The following SLC39A10 variants were observed in gnomAD, a reference collection of about 807,000 sequenced individuals.
The protein encoded by SLC39A10 is solute carrier family 39 member 10, also known as zinc transporter ZIP10.
In SLC39A10, 13 loss-of-function variants were observed where a neutral mutation model predicts 65.1. The ratio of observed to expected loss-of-function variants is 0.20; its 90% CI spans 0.13 to 0.32. The LOEUF (loss-of-function observed/expected upper bound fraction) is 0.32. SLC39A10 is among the 10% of genes least tolerant of loss of function. The pLI is 1.00. For missense variants in SLC39A10, 831 were observed against 1,018.4 expected, an observed-to-expected ratio of 0.82 and a Z score of 2.50; for synonymous variants, 321 against 342.2, an observed-to-expected ratio of 0.94 and a Z score of 0.68.
In SLC39A10 at chr2:195,669,931, C is replaced by T. The variant is rs138368842; in HGVS notation, c.-11-10101C>T. On this transcript the variant is annotated intron_variant, in intron 1 of 9. Coordinates refer to ENST00000359634, the MANE Select transcript of SLC39A10 (RefSeq NM_020342.3). ...ATCCCACCACTTTGGGAGGCCAAGG[C>T]GGGTGGATAACAAGTTCAGGAGATC... Among the ~76,000 whole-genome samples, 2,822 of 152,262 alleles carry T rather than the reference C, an allele frequency of 0.019. 218 individuals carry two copies. The East Asian group carries it at 0.25, about 13-fold the overall frequency.
chr2:195,621,659 C>T (rs1688350676), intron 2 of SLC39A10, among the ~76,000 whole-genome samples: 1 of 152,180 alleles, frequency 6.6e-6, no homozygotes, highest in African/African-American at 2.4e-5. Flanking sequence ...GGTCCAGAGC[C>T]AGCACTGTTG....
chr2:195,733,853 T>C (rs945141464), intron 9 of SLC39A10, among the ~76,000 whole-genome samples: 4 of 152,186 alleles, frequency 2.6e-5, no homozygotes, highest in African/African-American at 7.2e-5. Context: ...TTCAAAGCAC[T>C]GTGCCTTCAA....
chr2:195,616,595 G>A (rs567608318), intron 2 of SLC39A10, among the ~76,000 whole-genome samples: 2 of 151,598 alleles, frequency 1.3e-5, no homozygotes, highest in Admixed American at 6.6e-5. Context: ...ATGAGCCACC[G>A]CGCCTGGCCT....
chr2:195,667,597 A>G (rs1450360096), intron 1 of SLC39A10, among the ~76,000 whole-genome samples: 1 of 152,234 alleles, frequency 6.6e-6, no homozygotes, highest in Non-Finnish European at 1.5e-5. Flanking sequence ...TAAGTGAAAG[A>G]TACATAATAC....
At chr2:195,729,759 A>G (rs1692372905) in intron 9 of SLC39A10, among the ~76,000 whole-genome samples, 1 of 151,336 alleles carries the variant, frequency 6.6e-6, no homozygotes. Flanking sequence ...TTTAGCTATC[A>G]CCCTATTGCT....
intron 1 of SLC39A10, among the ~76,000 whole-genome samples, chr2:195,665,206 A>T (rs1689590023): frequency 6.6e-6 from 1 of 152,190 alleles, no homozygotes; most frequent in South Asian, 2.1e-4. Flanking sequence ...AATCCCAGCT[A>T]CTTGGGATGC....
Position 195,708,716 on chromosome 2 carries a change from C to T in SLC39A10, c.1447C>T (p.His483Tyr). ...ACATGGGCATGGACATTCTCATGGA[C>T]ATGAATCTAACAAGTTTTTGGAAGA... ...HAHGHGHSHG[H>Y]ESNKFLEEYD... Residue 483 changes from histidine to tyrosine, a missense_variant, in exon 5 of 10, where the codon CAT becomes TAT. Coordinates refer to ENST00000359634, the MANE Select transcript of SLC39A10 (RefSeq NM_020342.3). The T allele has an allele frequency of 6.2e-7, 1 of 1,612,988 alleles. No homozygotes were observed. Among genetic ancestry groups the T allele is most frequent in the Non-Finnish European group, 8.5e-7 (1 of 1,179,480 alleles).
intron 2 of SLC39A10, among the ~76,000 whole-genome samples, chr2:195,622,468 T>G (rs1688369294): frequency 6.6e-6 from 1 of 152,166 alleles, no homozygotes; most frequent in African/African-American, 2.4e-5. Context: ...CCCGGAAGTG[T>G]TTTTTGGGTT....
intron 2 of SLC39A10, among the ~76,000 whole-genome samples, chr2:195,616,776 T>C (rs1688219877): frequency 6.6e-6 from 1 of 152,090 alleles, no homozygotes; most frequent in African/African-American, 2.4e-5. Context: ...GCTAATTTTT[T>C]GTATTTTTAG....
intron 5 of SLC39A10, among the ~76,000 whole-genome samples, chr2:195,711,981 C>T (rs887962713): frequency 3.9e-5 from 6 of 152,052 alleles, no homozygotes; most frequent in African/African-American, 1.4e-4. Context: ...GGCTTAGTGG[C>T]TTACATTAAC....
intron 2 of SLC39A10, among the ~76,000 whole-genome samples, chr2:195,619,272 G>A (rs886605069): frequency 1.3e-5 from 2 of 152,142 alleles, no homozygotes; most frequent in African/African-American, 4.8e-5. Context: ...AACAGGACAT[G>A]TCAGAATTAA....
chr2:195,661,876 T>C (rs938353795), intron 1 of SLC39A10, among the ~76,000 whole-genome samples: 1 of 152,186 alleles, frequency 6.6e-6, no homozygotes, highest in Non-Finnish European at 1.5e-5. Context: ...TGTCATAACC[T>C]TTTATAATCA....
chr2:195,700,843 G>A (rs1691148993), intron 3 of SLC39A10, among the ~76,000 whole-genome samples: 1 of 152,222 alleles, frequency 6.6e-6, no homozygotes, highest in Middle Eastern at 3.4e-3. Context: ...GCTTTCAGGA[G>A]TCTCTCTTGG....
upstream of SLC39A10, among the ~76,000 whole-genome samples, chr2:195,655,603 G>A (rs533859053): frequency 6.6e-6 from 1 of 152,216 alleles, no homozygotes; most frequent in Non-Finnish European, 1.5e-5. Flanking sequence ...TATTTAAAAC[G>A]ATCCCCTTAA....
chr2:195,734,939 G>C lies in SLC39A10; in HGVS notation c.2394G>C (p.Val798=), dbSNP rs376818131. 6.2e-7 allele frequency: 1 copy of C among 1,612,032 alleles called. No individual in the cohort carries two copies. Among genetic ancestry groups the C allele is most frequent in the African/African-American group, 1.3e-5 (1 of 74,690 alleles). Residue 798 remains valine (V), a synonymous_variant, in exon 10 of 10, where the codon GTG becomes GTC. Coordinates refer to ENST00000359634, the MANE Select transcript of SLC39A10 (RefSeq NM_020342.3). The part of the protein sequence containing the change: ...GDNEEHGFCP[V]GQFILQNLGL... ...ATGAAGAACATGGCTTTTGTCCTGT[G>C]GGGCAATTCATCCTTCAGAATTTAG...
intron 2 of SLC39A10, among the ~76,000 whole-genome samples, chr2:195,613,069 C>G (rs967229925): frequency 6.6e-6 from 1 of 152,152 alleles, no homozygotes; most frequent in Admixed American, 6.6e-5. Context: ...TTACTCCCAA[C>G]AGGTGAAGTT....
chr2:195,674,353 C>G (rs942258517), intron 1 of SLC39A10, among the ~76,000 whole-genome samples: 1 of 152,136 alleles, frequency 6.6e-6, no homozygotes, highest in African/African-American at 2.4e-5. Flanking sequence ...TCTCGGCTCA[C>G]TGCAACCTCC....
At chr2:195,666,835 C>T (rs1689656127) in intron 1 of SLC39A10, among the ~76,000 whole-genome samples, 1 of 152,206 alleles carries the variant, frequency 6.6e-6, no homozygotes. Flanking sequence ...CAAAAGACAT[C>T]CCAACGACTG....
intron 1 of SLC39A10, among the ~76,000 whole-genome samples, chr2:195,675,938 AG>A (rs1344348310): frequency 6.6e-6 from 1 of 151,976 alleles, no homozygotes; most frequent in African/African-American, 2.4e-5. Flanking sequence ...TAGTATTGTG[AG>A]ATACTAATTT....
Sources: allele counts gnomAD v4.1 joint callset (sites outside exome capture counted in the v4.1 genomes callset), GRCh38; gene constraint gnomAD v4.1.1; transcripts MANE v1.5; gene names NCBI Gene and HGNC (gene_info 2026-07-23, HGNC 2026-07-21).